Variants in BCAS3 observed in about 807,000 individuals in gnomAD.
BCAS3 encodes BCAS3 microtubule associated cell migration factor, also known as BCAS4/BCAS3 fusion.
Under a neutral mutation model 116.1 loss-of-function variants are expected in BCAS3, and 53 were observed. That is an observed-to-expected ratio of 0.46 (90% CI 0.37 to 0.57). The LOEUF is 0.57. Among genes scored for constraint, BCAS3 ranks in the 20% least tolerant of loss-of-function variants. BCAS3 has a pLI of 0.00. For synonymous variants in BCAS3, 391 were observed against 408.2 expected (o/e 0.96, Z 0.51); for missense variants, 917 against 1,165.4 (o/e 0.79, Z 3.10).
chr17:61,061,164 G>T lies in BCAS3; in HGVS notation c.2030-13756G>T, dbSNP rs116737712. 6.8e-3 allele frequency among the ~76,000 whole-genome samples: 1,040 copies of T among 152,204 alleles called. 17 individuals are homozygous for T. The highest frequency in any genetic ancestry group is 0.024 in the African/African-American group (979 of 41,518). On this transcript the variant is annotated intron_variant, in intron 19 of 23. Coordinates refer to ENST00000407086, the MANE Select transcript of BCAS3 (RefSeq NM_017679.5). ...TCCTAACTATAGGGTGAAAATGTTT[G>T]GTGCCTTCCAGGTCTAAAAGCTTTT...
chr17:60,754,460 C>A (rs2042798733), intron 6 of BCAS3, among the ~76,000 whole-genome samples: 1 of 152,070 alleles, frequency 6.6e-6, no homozygotes, highest in African/African-American at 2.4e-5. Flanking sequence ...TGGTCTTGAA[C>A]CACTGGCCTC....
At chr17:60,681,840 C>T (rs1204271832) in intron 2 of BCAS3, among the ~76,000 whole-genome samples, 2 of 152,068 alleles carry the variant, frequency 1.3e-5, no homozygotes, top group South Asian at 2.1e-4. Context: ...AGCGATTCTC[C>T]TGCCTCAGCC....
chr17:60,720,925 T>A (rs2039166151), intron 5 of BCAS3, among the ~76,000 whole-genome samples: 1 of 152,152 alleles, frequency 6.6e-6, no homozygotes, highest in Admixed American at 6.6e-5. Context: ...ATGCGGTACT[T>A]CAATGACCTA....
chr17:60,988,338 C>CTTT (rs71148317), intron 14 of BCAS3, among the ~76,000 whole-genome samples: 54 of 66,768 alleles, frequency 8.1e-4, no homozygotes, highest in South Asian at 2.5e-3. Flanking sequence ...TTTTCTTTTT[C>CTTT]TTTTTTTTTT....
At chr17:61,191,091 G>C (rs191757735) in intron 22 of BCAS3, among the ~76,000 whole-genome samples, 64 of 151,840 alleles carry the variant, frequency 4.2e-4, no homozygotes, top group African/African-American at 1.4e-3. Context: ...TAATAAATCA[G>C]CCTGGGGAAC....
Position 60,808,041 on chromosome 17 carries a change from C to T in BCAS3, c.441C>T (p.Pro147=). 10 of 1,609,602 alleles carry T rather than the reference C, an allele frequency of 6.2e-6. No homozygotes were observed. The highest frequency in any genetic ancestry group is 8.5e-6 in the Non-Finnish European group (10 of 1,177,584). Residue 147 remains proline (P), a synonymous_variant, in exon 7 of 24, where the codon CCC becomes CCT. Transcript: ENST00000407086. ...QKCDNFAEKR[P]LLGVCKSIGS... ...GTGATAACTTTGCTGAAAAAAGACC[C>T]CTCCTTGGTGTTTGTAAGAGCATTG...
chr17:61,103,611 A>G (rs1158820564), intron 22 of BCAS3, among the ~76,000 whole-genome samples: 9 of 152,180 alleles, frequency 5.9e-5, no homozygotes, highest in Admixed American at 5.9e-4. Context: ...TGGTTTGCAG[A>G]GGAACAGATC....
intron 22 of BCAS3, among the ~76,000 whole-genome samples, chr17:61,109,174 G>C (rs1867212142): frequency 7.1e-6 from 1 of 141,070 alleles, no homozygotes; most frequent in Non-Finnish European, 1.5e-5. Context: ...GACAGGGTGA[G>C]ACTTTGTCTC....
intron 23 of BCAS3, among the ~76,000 whole-genome samples, chr17:61,372,310 C>T (rs1236734168): frequency 6.6e-6 from 1 of 152,200 alleles, no homozygotes; most frequent in African/African-American, 2.4e-5. Flanking sequence ...CCTCTGGCTA[C>T]TTCTCAGTCC....
intron 6 of BCAS3, among the ~76,000 whole-genome samples, chr17:60,763,743 A>G (rs1040039122): frequency 3.9e-5 from 6 of 152,120 alleles, no homozygotes; most frequent in East Asian, 1.9e-4. Flanking sequence ...CTCTTTTTCT[A>G]TGGATTGGAA....
chr17:60,872,348 C>T (rs955916836), intron 8 of BCAS3, among the ~76,000 whole-genome samples: 1 of 151,630 alleles, frequency 6.6e-6, no homozygotes, highest in African/African-American at 2.4e-5. Context: ...CACATACACA[C>T]ACCCCATATA....
rs1479326797 is a variant in BCAS3 at position 61,051,598 on chromosome 17, A to T, written c.2029+10706A>T. Among the ~76,000 whole-genome samples, 4 of 152,276 alleles carry T rather than the reference A, an allele frequency of 2.6e-5. 1 individual carries two copies. In the South Asian group the frequency reaches 8.3e-4, roughly 32 times the overall value. On this transcript the variant is annotated intron_variant, in intron 19 of 23. Transcript: ENST00000407086. This position sits in a 1 kb window ranked among gnomAD's most constrained non-coding sequence, Gnocchi z 4.1. The stretch of plus-strand genomic sequence containing the variant: ...AATCTTTAATCATTTCAAAATAAAA[A>T]CTTGTTTTCTTTTAATGGTGATAGG...
intron 22 of BCAS3, among the ~76,000 whole-genome samples, chr17:61,336,030 A>C (rs1375597054): frequency 2.0e-5 from 3 of 152,186 alleles, no homozygotes; most frequent in Non-Finnish European, 4.4e-5. Context: ...TACTTTTCAG[A>C]TACAGGGCGT....
At chr17:61,318,800 A>G (rs2054953603) in intron 22 of BCAS3, among the ~76,000 whole-genome samples, 1 of 152,070 alleles carries the variant, frequency 6.6e-6, no homozygotes, top group Non-Finnish European at 1.5e-5. Flanking sequence ...TTAAATGTTA[A>G]CTGTAATTTC....
chr17:60,748,506 T>G (rs2042187492), intron 6 of BCAS3, among the ~76,000 whole-genome samples: 1 of 152,220 alleles, frequency 6.6e-6, no homozygotes, highest in South Asian at 2.1e-4. Flanking sequence ...TAATGAAGAT[T>G]CTAGACCGTC....
intron 22 of BCAS3, among the ~76,000 whole-genome samples, chr17:61,264,624 G>T (rs1443905754): frequency 3.9e-5 from 6 of 152,058 alleles, no homozygotes; most frequent in African/African-American, 1.4e-4. Flanking sequence ...GCCAGGCTGG[G>T]CTCAAACTCC....
rs1051100004 is a variant in BCAS3 at position 61,208,633 on chromosome 17, C to T, written c.2425+124069C>T. On this transcript the variant is annotated intron_variant, in intron 22 of 23. Coordinates refer to ENST00000407086, the MANE Select transcript of BCAS3 (RefSeq NM_017679.5). This position sits in a 1 kb window ranked among gnomAD's most constrained non-coding sequence, Gnocchi z 4.5. The stretch of plus-strand genomic sequence containing the variant: ...CTCTTTTAAAGCTACTAGGTCCACG[C>T]TTCTATGAAGAAAGCAGGTATCCAT... Among the ~76,000 whole-genome samples, 2 of 152,144 alleles carry T rather than the reference C, an allele frequency of 1.3e-5. No homozygotes were observed. Among genetic ancestry groups the T allele is most frequent in the African/African-American group, 4.8e-5 (2 of 41,434 alleles).
At chr17:61,072,676 C>CAA (rs75914013) in intron 19 of BCAS3, among the ~76,000 whole-genome samples, 51 of 102,354 alleles carry the variant, frequency 5.0e-4, no homozygotes, top group African/African-American at 1.0e-3. Context: ...GCTTTATTAC[C>CAA]AAAAAAAAAA....
At chr17:60,969,713 A>T (rs1218958674) in intron 14 of BCAS3, among the ~76,000 whole-genome samples, 1 of 152,254 alleles carries the variant, frequency 6.6e-6, no homozygotes, top group East Asian at 1.9e-4. Flanking sequence ...AGTACAACAA[A>T]AACCATGTCA....
Sources: allele counts gnomAD v4.1 joint callset (sites outside exome capture counted in the v4.1 genomes callset), GRCh38; gene constraint gnomAD v4.1.1; non-coding constraint Gnocchi (gnomAD v3.1); transcripts MANE v1.5; gene names NCBI Gene and HGNC (gene_info 2026-07-23, HGNC 2026-07-21).